RAD51B: variants seen among roughly 807,000 people sequenced by gnomAD.
The protein encoded by RAD51B is DNA repair protein RAD51 homolog 2.
Under a neutral mutation model 42.2 loss-of-function variants are expected in RAD51B, and 38 were observed. That is an observed-to-expected ratio of 0.90 (90% CI 0.70 to 1.18). The LOEUF (loss-of-function observed/expected upper bound fraction) is 1.18, where lower values mean the gene tolerates loss of function less well. Ranked by LOEUF, RAD51B falls within the 50% of genes most tolerant of loss-of-function variation. RAD51B has a pLI of 0.00. For missense variants in RAD51B, 373 were observed against 400.7 expected (o/e 0.93, Z 0.59); for synonymous variants, 154 against 145.2 (o/e 1.06, Z -0.43).
At chr14:68,276,450 T>C (rs1316603197) in intron 7 of RAD51B, among the ~76,000 whole-genome samples, 1 of 152,262 alleles carries the variant, frequency 6.6e-6, no homozygotes, top group African/African-American at 2.4e-5. Context: ...GTCTTATCTT[T>C]GTTTTAACCA....
At chr14:68,229,284 G>C (rs2140979282) in intron 7 of RAD51B, among the ~76,000 whole-genome samples, 1 of 152,298 alleles carries the variant, frequency 6.6e-6, no homozygotes, top group South Asian at 2.1e-4. Context: ...TGATAGCCAA[G>C]AGTTGGAAAA....
chr14:68,234,655 A>G (rs2080211302), intron 7 of RAD51B, among the ~76,000 whole-genome samples: 1 of 152,230 alleles, frequency 6.6e-6, no homozygotes, highest in Admixed American at 6.5e-5. Flanking sequence ...ATATGGTATA[A>G]GAGATCAAAA....
intron 10 of RAD51B, among the ~76,000 whole-genome samples, chr14:68,604,225 C>G (rs1166270697): frequency 6.6e-6 from 1 of 152,192 alleles, no homozygotes; most frequent in African/African-American, 2.4e-5. Flanking sequence ...AACAGGGAGG[C>G]CCGGCCCACT....
At chr14:68,232,100 T>C (rs1184788904) in intron 7 of RAD51B, among the ~76,000 whole-genome samples, 2 of 152,018 alleles carry the variant, frequency 1.3e-5, no homozygotes, top group Non-Finnish European at 2.9e-5. Flanking sequence ...AGTTGGGAAA[T>C]ATGAGAAGCC....
At chr14:68,209,939 G>A (rs535824984) in intron 7 of RAD51B, among the ~76,000 whole-genome samples, 6 of 151,654 alleles carry the variant, frequency 4.0e-5, no homozygotes, top group Admixed American at 2.6e-4. Flanking sequence ...ATTAGTCTGA[G>A]CGAAACATAC....
intron 7 of RAD51B, among the ~76,000 whole-genome samples, chr14:68,208,242 G>A (rs999889392): frequency 6.6e-6 from 1 of 152,132 alleles, no homozygotes; most frequent in African/African-American, 2.4e-5. Flanking sequence ...CAGATTACCT[G>A]ACCAAGAGAG....
At chr14:68,559,473 C>G (rs1889033494) in intron 10 of RAD51B, among the ~76,000 whole-genome samples, 1 of 151,804 alleles carries the variant, frequency 6.6e-6, no homozygotes, top group East Asian at 1.9e-4. Flanking sequence ...CTCTGCCTCC[C>G]AGGTTCAAGT....
At chr14:67,965,501 C>T (rs2074754911) in intron 7 of RAD51B, among the ~76,000 whole-genome samples, 1 of 152,160 alleles carries the variant, frequency 6.6e-6, no homozygotes, top group African/African-American at 2.4e-5. Flanking sequence ...ATATCACTCT[C>T]TGGTTTAAAA....
intron 9 of RAD51B, among the ~76,000 whole-genome samples, chr14:68,447,884 A>T (rs2085459377): frequency 6.6e-6 from 1 of 152,260 alleles, no homozygotes; most frequent in African/African-American, 2.4e-5. Flanking sequence ...GCATCAAATA[A>T]GTAACTAAGA....
At chr14:67,844,771 C>T (rs549247464) in intron 4 of RAD51B, among the ~76,000 whole-genome samples, 28 of 152,034 alleles carry the variant, frequency 1.8e-4, no homozygotes, top group African/African-American at 6.3e-4. Flanking sequence ...CTTCCCCGCT[C>T]CCCCCACCCC....
At chr14:67,820,430 T>G (rs2040586201) in intron 1 of RAD51B, among the ~76,000 whole-genome samples, 1 of 152,070 alleles carries the variant, frequency 6.6e-6, no homozygotes, top group Non-Finnish European at 1.5e-5. Context: ...TTGTTGAACA[T>G]CTAACATGAA....
At chr14:68,266,333 T>C (rs954777184) in intron 7 of RAD51B, among the ~76,000 whole-genome samples, 2 of 152,198 alleles carry the variant, frequency 1.3e-5, no homozygotes, top group African/African-American at 4.8e-5. Context: ...AGAAGTATGA[T>C]TGGAGCACCA....
intron 7 of RAD51B, among the ~76,000 whole-genome samples, chr14:67,903,448 T>A (rs2043678749): frequency 6.6e-6 from 1 of 152,160 alleles, no homozygotes; most frequent in South Asian, 2.1e-4. Flanking sequence ...AATGAAATAG[T>A]CTGCTTTCAA....
chr14:68,265,803 T>A (rs1187049194), intron 7 of RAD51B, among the ~76,000 whole-genome samples: 3 of 152,194 alleles, frequency 2.0e-5, no homozygotes, highest in African/African-American at 7.2e-5. Flanking sequence ...TATAATAATA[T>A]GATAAATGCT....
chr14:67,972,945 T>C (rs902829564), intron 7 of RAD51B, among the ~76,000 whole-genome samples: 7 of 152,238 alleles, frequency 4.6e-5, no homozygotes, highest in Middle Eastern at 3.4e-3. Context: ...GATCATTCTC[T>C]TGTATGAGTA....
At chr14:68,125,459 T>A (rs2077737445) in intron 7 of RAD51B, 1 of 152,222 alleles carries the variant, frequency 6.6e-6, no homozygotes, top group Non-Finnish European at 1.5e-5. Context: ...GGCTGTGTAA[T>A]TCTCAGTGCC....
chr14:68,491,089 C>T (rs1884034741), intron 10 of RAD51B, among the ~76,000 whole-genome samples: 1 of 152,134 alleles, frequency 6.6e-6, no homozygotes, highest in Non-Finnish European at 1.5e-5. Context: ...ATTTGGATGC[C>T]TCTCCAATGT....
intron 7 of RAD51B, among the ~76,000 whole-genome samples, chr14:68,179,543 C>T (rs779775786): frequency 8.6e-5 from 13 of 151,974 alleles, no homozygotes; most frequent in African/African-American, 2.7e-4. Flanking sequence ...GTAGGTACTC[C>T]GTAAATGTTT....
chr14:68,142,155 T>C (rs2078142987), intron 7 of RAD51B, among the ~76,000 whole-genome samples: 1 of 152,154 alleles, frequency 6.6e-6, no homozygotes. Flanking sequence ...TTTTTTTAAA[T>C]GTCATATGAC....
Sources: allele counts gnomAD v4.1 joint callset (sites outside exome capture counted in the v4.1 genomes callset), GRCh38; gene constraint gnomAD v4.1.1; transcripts MANE v1.5; gene names NCBI Gene and HGNC (gene_info 2026-07-23, HGNC 2026-07-21).